UEVLD: variants seen among roughly 807,000 people sequenced by gnomAD.
UEVLD encodes UEV and lactate/malate dehyrogenase domains.
UEVLD carries 47 observed loss-of-function variants against 58.6 expected under a neutral mutation model. The observed-to-expected ratio is 0.80, with a 90% confidence interval of 0.63 to 1.02. The LOEUF is 1.02. Among genes scored for constraint, UEVLD ranks in the 50% least tolerant of loss-of-function variants. UEVLD has a pLI of 0.00. For missense variants in UEVLD, 510 were observed against 550.6 expected (o/e 0.93, Z 0.74); for synonymous variants, 197 against 195.3 (o/e 1.01, Z -0.07).
At chr11:18,553,967 TTTATG>T (rs1469968304) in intron 7 of UEVLD, among the ~76,000 whole-genome samples, 7 of 152,300 alleles carry the variant, frequency 4.6e-5, no homozygotes, top group East Asian at 1.9e-4. Context: ...AATGGTAAAT[TTTATG>T]TTATGTGTAT....
chr11:18,586,046 G>A (rs1853543110), intron 1 of UEVLD, among the ~76,000 whole-genome samples: 1 of 152,164 alleles, frequency 6.6e-6, no homozygotes, highest in Admixed American at 6.5e-5. Flanking sequence ...TGACCCTATA[G>A]ATAAATTTGG....
intron 5 of UEVLD, among the ~76,000 whole-genome samples, chr11:18,565,289 C>A (rs1852241726): frequency 6.6e-6 from 1 of 152,070 alleles, no homozygotes; most frequent in African/African-American, 2.4e-5. Context: ...TTCCATAATT[C>A]TGAAAAATAT....
At chr11:18,585,334 A>G (rs560424025) in intron 1 of UEVLD, among the ~76,000 whole-genome samples, 3 of 152,326 alleles carry the variant, frequency 2.0e-5, no homozygotes, top group Admixed American at 2.0e-4. Flanking sequence ...TGTCTTTTAC[A>G]TTTAGGTCTT....
At position 18,530,726 on chromosome 11, in the gene UEVLD, CTTTT is replaced by C. The variant is rs59281820; in HGVS notation, c.*1590_*1593del. 4 of 135,482 alleles carry C rather than the reference CTTTT, an allele frequency of 3.0e-5. No individual in the cohort carries two copies. Among genetic ancestry groups the C allele is most frequent in the South Asian group, 4.8e-4 (2 of 4,180 alleles). 8.4% of individuals were successfully genotyped at this position (135,482 alleles called of 1,614,324 possible). On this transcript the variant is annotated 3_prime_UTR_variant, in exon 12 of 12. Coordinates refer to ENST00000396197, the MANE Select transcript of UEVLD (RefSeq NM_001040697.4). ...TCACCACACCTGGCTAATTTTTAAA[CTTTT>C]TTTTTTTTTTTTTGAGACGGAGTCT...
intron 9 of UEVLD, among the ~76,000 whole-genome samples, chr11:18,544,028 A>G (rs1183826855): frequency 6.6e-6 from 1 of 152,204 alleles, no homozygotes; most frequent in Non-Finnish European, 1.5e-5. Context: ...AGGTTTATTT[A>G]AATGTTTCTT....
At chr11:18,551,350 G>A (rs1851518479) in intron 7 of UEVLD, among the ~76,000 whole-genome samples, 1 of 149,368 alleles carries the variant, frequency 6.7e-6, no homozygotes, top group Non-Finnish European at 1.5e-5. Flanking sequence ...TTGAACCTGG[G>A]AGGAGGAGGT....
chr11:18,544,058 A>T (rs995408465), intron 9 of UEVLD, among the ~76,000 whole-genome samples: 1 of 152,220 alleles, frequency 6.6e-6, no homozygotes, highest in Non-Finnish European at 1.5e-5. Context: ...TTAAATTTTT[A>T]AATTGATCCT....
At chr11:18,554,677 C>T (rs1196783081) in intron 7 of UEVLD, among the ~76,000 whole-genome samples, 5 of 152,120 alleles carry the variant, frequency 3.3e-5, no homozygotes, top group African/African-American at 9.7e-5. Context: ...GGATTACAGG[C>T]ATGGGACACC....
chr11:18,582,633 C>A (rs1330301281), intron 1 of UEVLD, among the ~76,000 whole-genome samples: 2 of 152,030 alleles, frequency 1.3e-5, no homozygotes, highest in Non-Finnish European at 2.9e-5. Flanking sequence ...CCACACCCAG[C>A]CTTATTTTCA....
chr11:18,546,734 G>T, intron 8 of UEVLD, 146 bp downstream of exon 8: 1 of 792,730 alleles, frequency 1.3e-6, no homozygotes. Flanking sequence ...CCTGACCTCA[G>T]GTGATCCGCC....
intron 2 of UEVLD, among the ~76,000 whole-genome samples, chr11:18,576,310 T>G (rs1326483869): frequency 6.6e-6 from 1 of 152,060 alleles, no homozygotes; most frequent in Non-Finnish European, 1.5e-5. Context: ...CCCAGCACCT[T>G]GGGAGGCTGA....
chr11:18,534,746 T>C (rs938541688), intron 10 of UEVLD, among the ~76,000 whole-genome samples: 2 of 152,222 alleles, frequency 1.3e-5, no homozygotes, highest in African/African-American at 4.8e-5. Context: ...CTATCGATAA[T>C]TGGCAAAAAT....
chr11:18,554,320 G>C (rs888159157), intron 7 of UEVLD, among the ~76,000 whole-genome samples: 7 of 150,934 alleles, frequency 4.6e-5, no homozygotes, highest in Non-Finnish European at 8.8e-5. Context: ...TCAAACTCCC[G>C]ACCTCAGGTG....
chr11:18,551,257 T>C (rs1477484605), intron 7 of UEVLD, among the ~76,000 whole-genome samples: 3 of 151,800 alleles, frequency 2.0e-5, no homozygotes, highest in Non-Finnish European at 4.4e-5. Context: ...TGAAACCCTG[T>C]CTCTACTAAA....
At chr11:18,573,097 G>A (rs978666845) in intron 3 of UEVLD, among the ~76,000 whole-genome samples, 5 of 152,186 alleles carry the variant, frequency 3.3e-5, no homozygotes, top group African/African-American at 1.2e-4. Flanking sequence ...GAGCACCTGA[G>A]GAAGACCCCA....
At chr11:18,546,633 G>A (rs983756616) in intron 8 of UEVLD, among the ~76,000 whole-genome samples, 5 of 151,786 alleles carry the variant, frequency 3.3e-5, no homozygotes, top group Admixed American at 3.3e-4. Flanking sequence ...CAAGTAGCCG[G>A]GATTACAGGC....
chr11:18,587,308 G>T (rs1010795620), intron 1 of UEVLD, among the ~76,000 whole-genome samples: 1 of 152,156 alleles, frequency 6.6e-6, no homozygotes, highest in Non-Finnish European at 1.5e-5. Flanking sequence ...AGAAAGGGTA[G>T]CATTATGATA....
At chr11:18,575,503 T>A in intron 2 of UEVLD, 91 bp from the exon 3 acceptor site, 1 of 1,199,246 alleles carries the variant, frequency 8.3e-7, no homozygotes, top group Admixed American at 2.3e-5. Context: ...TGTGTGCTCA[T>A]GAATATACAC....
intron 5 of UEVLD, among the ~76,000 whole-genome samples, chr11:18,565,826 A>T (rs931480828): frequency 6.6e-6 from 1 of 152,032 alleles, no homozygotes. Flanking sequence ...TCAAAAAAAT[A>T]AAAAAATAAA....
Sources: gnomAD v4.1 joint callset for allele counts (sites outside exome capture counted in the v4.1 genomes callset) on GRCh38, gnomAD v4.1.1 for gene constraint, MANE v1.5 for transcripts, NCBI Gene and HGNC (gene_info 2026-07-23, HGNC 2026-07-21) for gene names.